The following NBAS variants were observed in gnomAD, a reference collection of about 807,000 sequenced individuals.
NBAS encodes the protein NAG/BC035112 fusion.
A neutral mutation model predicts 302.5 loss-of-function variants in NBAS; 219 were observed. The observed-to-expected ratio is 0.72, with a 90% CI of 0.65 to 0.81. The LOEUF (loss-of-function observed/expected upper bound fraction) is 0.81. Among genes scored for constraint, NBAS ranks in the 30% least tolerant of loss-of-function variants. The probability of loss-of-function intolerance (pLI) is 0.00; values close to 1 mark genes in which losing one functional copy is unlikely to be tolerated. For missense variants in NBAS, 2,932 were observed against 2,841.6 expected, an observed-to-expected ratio of 1.03 and a Z score of -0.72; for synonymous variants, 1,118 against 1,021.6, an observed-to-expected ratio of 1.09 and a Z score of -1.80.
chr2:15,445,705 A>T (rs1321235327), intron 21 of NBAS, among the ~76,000 whole-genome samples: 1 of 151,998 alleles, frequency 6.6e-6, no homozygotes, highest in Non-Finnish European at 1.5e-5. Context: ...AAAAATCTAC[A>T]TCCAAATTAT....
chr2:15,127,377 C>A, the NBAS span, among the ~76,000 whole-genome samples: 1 of 152,208 alleles, frequency 6.6e-6, no homozygotes, highest in Non-Finnish European at 1.5e-5. Context: ...CAGCACACTC[C>A]AAGCAACAAA....
intron 41 of NBAS, among the ~76,000 whole-genome samples, chr2:15,288,831 T>C (rs1670175677): frequency 6.6e-6 from 1 of 152,260 alleles, no homozygotes; most frequent in Non-Finnish European, 1.5e-5. Flanking sequence ...TTTATATGCT[T>C]GCATAGCCAG....
intron 38 of NBAS, among the ~76,000 whole-genome samples, chr2:15,322,967 T>G (rs1461343721): frequency 6.6e-6 from 1 of 152,204 alleles, no homozygotes; most frequent in East Asian, 1.9e-4. Context: ...TGATGGTATA[T>G]TAATACATTT....
chr2:15,277,947 GA>G (rs1264085061), intron 42 of NBAS, among the ~76,000 whole-genome samples: 1 of 152,028 alleles, frequency 6.6e-6, no homozygotes, highest in South Asian at 2.1e-4. Flanking sequence ...CTAATTGTAA[GA>G]GTCCTTCAGG....
the NBAS span, among the ~76,000 whole-genome samples, chr2:15,114,310 C>T: frequency 2.6e-5 from 4 of 152,250 alleles, no homozygotes; most frequent in African/African-American, 4.8e-5. Context: ...TCCTCTCTCC[C>T]GGGCTCGTAG....
At chr2:15,367,454 T>C (rs1244377994) in intron 31 of NBAS, among the ~76,000 whole-genome samples, 3 of 152,160 alleles carry the variant, frequency 2.0e-5, no homozygotes, top group Admixed American at 2.0e-4. Context: ...ATACGAGCTA[T>C]GTCTCAGGCA....
intron 40 of NBAS, among the ~76,000 whole-genome samples, chr2:15,294,830 T>C (rs528463648): frequency 2.0e-5 from 3 of 152,336 alleles, no homozygotes; most frequent in Non-Finnish European, 4.4e-5. Context: ...CAAATCTATG[T>C]TCACCAAAAC....
At chr2:15,301,458 G>A (rs1392027187) in intron 40 of NBAS, among the ~76,000 whole-genome samples, 3 of 152,152 alleles carry the variant, frequency 2.0e-5, no homozygotes, top group Non-Finnish European at 4.4e-5. Context: ...CACAGAAGAT[G>A]TCTGTGACCA....
chr2:14,926,768 C>T, the NBAS span, among the ~76,000 whole-genome samples: 1 of 152,214 alleles, frequency 6.6e-6, no homozygotes, highest in African/African-American at 2.4e-5. Context: ...ACCAACTCCC[C>T]ATTCTCTCTC....
chr2:15,026,669 T>G, the NBAS span, among the ~76,000 whole-genome samples: 1 of 152,284 alleles, frequency 6.6e-6, no homozygotes, highest in South Asian at 2.1e-4. Flanking sequence ...TGTTAATATT[T>G]TATCATATGC....
chr2:15,407,869 C>A (rs1273773107), intron 25 of NBAS, among the ~76,000 whole-genome samples: 1 of 152,182 alleles, frequency 6.6e-6, no homozygotes, highest in Non-Finnish European at 1.5e-5. Flanking sequence ...CAGTTGTCAG[C>A]AAATAAATGT....
intron 21 of NBAS, among the ~76,000 whole-genome samples, chr2:15,456,651 A>G (rs139499207): frequency 2.4e-3 from 365 of 152,334 alleles, no homozygotes; most frequent in Non-Finnish European, 4.6e-3. Context: ...ACTGCAGGAG[A>G]TAAGGATGGA....
chr2:15,042,017 C>T, the NBAS span, among the ~76,000 whole-genome samples: 1 of 152,180 alleles, frequency 6.6e-6, no homozygotes, highest in Non-Finnish European at 1.5e-5. Context: ...TTCACATGTT[C>T]CTCTATTTGC....
intron 48 of NBAS, among the ~76,000 whole-genome samples, chr2:15,196,625 G>GGAGAATA: frequency 6.6e-6 from 1 of 152,218 alleles, no homozygotes; most frequent in East Asian, 1.9e-4. Context: ...AGATGAATAA[G>GGAGAATA]CAGAATACAA....
the NBAS span, among the ~76,000 whole-genome samples, chr2:15,074,073 A>G: frequency 6.6e-6 from 1 of 152,202 alleles, no homozygotes; most frequent in Admixed American, 6.5e-5. Context: ...ATAAAGTTAC[A>G]ATGATCAGAA....
the NBAS span, among the ~76,000 whole-genome samples, chr2:15,090,750 G>A: frequency 9.9e-5 from 15 of 152,132 alleles, no homozygotes; most frequent in Non-Finnish European, 1.9e-4. Context: ...TTCCTTATTT[G>A]GAAAAGCCAT....
intron 40 of NBAS, among the ~76,000 whole-genome samples, chr2:15,307,432 T>C (rs1229288278): frequency 6.6e-6 from 1 of 152,166 alleles, no homozygotes; most frequent in Admixed American, 6.5e-5. Flanking sequence ...TGTATTAGAA[T>C]TTGTTTGGGG....
At chr2:15,542,722 A>T (rs1240125489) in intron 6 of NBAS, among the ~76,000 whole-genome samples, 1 of 152,226 alleles carries the variant, frequency 6.6e-6, no homozygotes, top group Non-Finnish European at 1.5e-5. Flanking sequence ...AAAAATTGAC[A>T]TATGCACAGA....
the NBAS span, among the ~76,000 whole-genome samples, chr2:15,054,005 G>A: frequency 6.6e-6 from 1 of 151,926 alleles, no homozygotes; most frequent in Non-Finnish European, 1.5e-5. Context: ...GTGGGGTGAG[G>A]GAGTGGTGTT....
Sources: gnomAD v4.1 joint callset for allele counts (sites outside exome capture counted in the v4.1 genomes callset) on GRCh38, gnomAD v4.1.1 for gene constraint, MANE v1.5 for transcripts, NCBI Gene and HGNC (gene_info 2026-07-23, HGNC 2026-07-21) for gene names.